The following SCLT1 variants were observed in gnomAD, a reference collection of about 807,000 sequenced individuals.
The protein encoded by SCLT1 is sodium channel-associated protein 1.
Under a neutral mutation model 112.8 loss-of-function variants are expected in SCLT1, and 78 were observed. That is an observed-to-expected ratio of 0.69 (90% CI 0.58 to 0.83). The LOEUF is 0.83. Ranked by LOEUF, SCLT1 falls within the 40% of genes least tolerant of loss-of-function variation. The probability of loss-of-function intolerance (pLI) is 0.00; values close to 1 mark genes in which losing one functional copy is unlikely to be tolerated. For missense variants in SCLT1, 747 were observed against 770.4 expected (o/e 0.97, Z 0.36); for synonymous variants, 257 against 254.7 (o/e 1.01, Z -0.09).
chr4:129,083,667 A>G lies in SCLT1; in HGVS notation c.35-1294T>C, dbSNP rs1752154922. On this transcript the variant is annotated intron_variant, in intron 1 of 20. Coordinates refer to ENST00000281142, the MANE Select transcript of SCLT1 (RefSeq NM_144643.4). The stretch of plus-strand genomic sequence containing the variant: ...GCAACAGAGCAAGACTCTATCTCAG[A>G]AAAAAAAAAGAAGAAAGATCTCAGG... Among the ~76,000 whole-genome samples the G allele has an allele frequency of 3.3e-5, 5 of 149,630 alleles. No homozygotes were observed. In the South Asian group the frequency reaches 8.4e-4, roughly 25 times the overall value.
chr4:128,950,753 T>C (rs1166148956), intron 14 of SCLT1, among the ~76,000 whole-genome samples: 1 of 152,158 alleles, frequency 6.6e-6, no homozygotes, highest in African/African-American at 2.4e-5. Context: ...AAAAAATTCA[T>C]CCATCAAAGA....
At chr4:129,010,484 A>G (rs1349315484) in intron 5 of SCLT1, among the ~76,000 whole-genome samples, 2 of 152,212 alleles carry the variant, frequency 1.3e-5, no homozygotes, top group African/African-American at 4.8e-5. Context: ...GAATAGCATT[A>G]GATGTATAAA....
chr4:128,915,407 C>G (rs1049005024), intron 18 of SCLT1, among the ~76,000 whole-genome samples: 8 of 152,172 alleles, frequency 5.3e-5, no homozygotes, highest in African/African-American at 1.9e-4. Flanking sequence ...CTATTTCACC[C>G]AATTAATCCT....
intron 13 of SCLT1, among the ~76,000 whole-genome samples, chr4:128,953,871 A>C (rs1738994968): frequency 1.3e-5 from 2 of 152,118 alleles, no homozygotes; most frequent in South Asian, 4.1e-4. Context: ...TACTTTTTAA[A>C]TAATACACAC....
chr4:128,965,410 GTTA>G (rs974001433), intron 10 of SCLT1, 92 bp from the exon 11 acceptor site: 3 of 783,636 alleles, frequency 3.8e-6, no homozygotes, highest in Non-Finnish European at 4.4e-6. Context: ...ATGCTATAAA[GTTA>G]TTATGCTATT....
intron 5 of SCLT1, chr4:129,037,867 A>C (rs1202867424): frequency 6.6e-6 from 1 of 152,168 alleles, no homozygotes; most frequent in Non-Finnish European, 1.5e-5. Context: ...ATAGGTAAAT[A>C]AACATATAAA....
chr4:128,923,259 A>T (rs1038500554), intron 18 of SCLT1, among the ~76,000 whole-genome samples: 3 of 152,088 alleles, frequency 2.0e-5, no homozygotes, highest in Non-Finnish European at 4.4e-5. Context: ...CAGCCTCGCC[A>T]ATATGGTGAA....
At chr4:128,909,055 C>A (rs563940501) in intron 18 of SCLT1, among the ~76,000 whole-genome samples, 4 of 152,324 alleles carry the variant, frequency 2.6e-5, no homozygotes, top group South Asian at 2.1e-4. Flanking sequence ...ATTTCTTTTA[C>A]TTCAAACATA....
intron 18 of SCLT1, among the ~76,000 whole-genome samples, chr4:128,895,149 G>A (rs1733638614): frequency 1.3e-5 from 2 of 152,212 alleles, no homozygotes; most frequent in East Asian, 3.9e-4. Flanking sequence ...CTCAATATCA[G>A]GTGAAACAAT....
intron 1 of SCLT1, among the ~76,000 whole-genome samples, chr4:129,090,116 G>C (rs1233706621): frequency 6.6e-6 from 1 of 152,012 alleles, no homozygotes; most frequent in Non-Finnish European, 1.5e-5. Flanking sequence ...TCAATACATA[G>C]GCATAAATCT....
At chr4:128,969,817 C>G (rs544711415) in intron 10 of SCLT1, among the ~76,000 whole-genome samples, 1 of 152,244 alleles carries the variant, frequency 6.6e-6, no homozygotes, top group East Asian at 1.9e-4. Context: ...TGGGAGGGTT[C>G]TTGTAACACT....
chr4:129,003,755 G>A lies in SCLT1; in HGVS notation c.412C>T (p.Gln138Ter), dbSNP rs757334247. Reference sequence around the variant, plus strand: ...ATGTCACTCACTTGATTGGCTAGCTGCAATTGTTCTTGAAGGTTTCTGACT... The same window carrying A: ...ATGTCACTCACTTGATTGGCTAGCTACAATTGTTCTTGAAGGTTTCTGACT... ...ETVRNLQEQL[Q>*]LANQEKTQAV... Residue 138 changes from glutamine to a stop codon, truncating the protein, a stop_gained, in exon 6 of 21, where the codon CAG (glutamine) becomes TAG (stop). Coordinates refer to ENST00000281142, the MANE Select transcript of SCLT1 (RefSeq NM_144643.4). LOFTEE classifies it high-confidence loss of function. 36 of 1,604,890 alleles carry A rather than the reference G, an allele frequency of 2.2e-5. No homozygotes were observed. The highest frequency in any genetic ancestry group is 1.5e-4 in the Admixed American group (9 of 58,592).
chr4:129,019,767 C>T (rs983403026), intron 5 of SCLT1, among the ~76,000 whole-genome samples: 2 of 151,958 alleles, frequency 1.3e-5, no homozygotes, highest in African/African-American at 2.4e-5. Context: ...GTGAAAATAG[C>T]CACACCACTG....
At chr4:129,010,575 T>G (rs1744432377) in intron 5 of SCLT1, among the ~76,000 whole-genome samples, 1 of 152,200 alleles carries the variant, frequency 6.6e-6, no homozygotes, top group Non-Finnish European at 1.5e-5. Flanking sequence ...TTTGTTTGTG[T>G]AATCTTTGAT....
chr4:128,970,180 T>C (rs1740567858), intron 10 of SCLT1, among the ~76,000 whole-genome samples, 198 bp downstream of exon 10: 1 of 152,288 alleles, frequency 6.6e-6, no homozygotes, highest in East Asian at 1.9e-4. Context: ...AATTAGGCTA[T>C]AGAGAATGGA....
intron 4 of SCLT1, among the ~76,000 whole-genome samples, chr4:128,875,981 G>C (rs1246368669): frequency 6.6e-6 from 1 of 152,156 alleles, no homozygotes; most frequent in African/African-American, 2.4e-5. Context: ...GGTACTGGCA[G>C]AACTGGGCCT....
rs114509604 is a variant in SCLT1, at chr4:129,082,789, A to C, written c.35-416T>G. 4.9e-4 allele frequency among the ~76,000 whole-genome samples: 75 copies of C among 152,348 alleles called. 1 individual carries two copies. The highest frequency in any genetic ancestry group is 9.1e-4 in the Admixed American group (14 of 15,308). On this transcript the variant is annotated intron_variant, in intron 1 of 20. Coordinates refer to ENST00000281142, the MANE Select transcript of SCLT1 (RefSeq NM_144643.4). Reference sequence around the variant, plus strand: ...AAACCAATTGAAACTCTTCCAGGACAAACCTCCACCTTAAGGAGAAATTGC... The same window carrying C: ...AAACCAATTGAAACTCTTCCAGGACCAACCTCCACCTTAAGGAGAAATTGC...
intron 2 of SCLT1, among the ~76,000 whole-genome samples, chr4:129,060,696 G>A (rs933640492): frequency 6.6e-6 from 1 of 152,042 alleles, no homozygotes; most frequent in African/African-American, 2.4e-5. Context: ...AGTATTCTTG[G>A]GGTCCTCCTA....
Position 128,936,296 on chromosome 4 carries a change from C to A in SCLT1, c.1829+359G>T, listed in dbSNP as rs1037375967. ...ATGTTGAAGCTCTTGAGCTTCCCAT[C>A]TCATTCAACACAAAATCTCAAGTTC... is the stretch of plus-strand genomic sequence containing the variant. On this transcript the variant is annotated intron_variant, in intron 18 of 20. Coordinates refer to ENST00000281142, the MANE Select transcript of SCLT1 (RefSeq NM_144643.4). 5.3e-5 allele frequency among the ~76,000 whole-genome samples: 8 copies of A among 152,098 alleles called. 1 individual carries two copies. Among genetic ancestry groups the A allele is most frequent in the Admixed American group, 5.2e-4 (8 of 15,274 alleles).
Sources: gnomAD v4.1 joint callset for allele counts (sites outside exome capture counted in the v4.1 genomes callset) on GRCh38, gnomAD v4.1.1 for gene constraint, MANE v1.5 for transcripts, NCBI Gene and HGNC (gene_info 2026-07-23, HGNC 2026-07-21) for gene names.